The following ROBO2 variants were observed in gnomAD, a reference collection of about 807,000 sequenced individuals.
ROBO2 encodes the protein roundabout guidance receptor 2, also known as roundabout homolog 2.
Under a neutral mutation model 160.8 loss-of-function variants are expected in ROBO2, and 53 were observed. The observed-to-expected ratio is 0.33, with a 90% CI of 0.26 to 0.41. ROBO2 has a LOEUF of 0.41. Ranked by LOEUF, ROBO2 falls within the 10% of genes least tolerant of loss-of-function variation. ROBO2 has a pLI of 1.00. For synonymous variants in ROBO2, 664 were observed against 611.7 expected, an observed-to-expected ratio of 1.09 and a Z score of -1.26; for missense variants, 1,577 against 1,722.4, an observed-to-expected ratio of 0.92 and a Z score of 1.49.
chr3:76,666,341 A>G (rs1338460061), intron 2 of ROBO2, among the ~76,000 whole-genome samples: 3 of 152,050 alleles, frequency 2.0e-5, no homozygotes, highest in African/African-American at 7.2e-5. Context: ...TAAGCAGGCA[A>G]TTTAACCATG....
chr3:76,036,441 C>T (rs902524289), intron 2 of ROBO2, among the ~76,000 whole-genome samples: 27 of 147,438 alleles, frequency 1.8e-4, no homozygotes, highest in African/African-American at 6.0e-4. Flanking sequence ...TGAGCCAATG[C>T]GCCAGGCTGG....
chr3:76,093,500 A>AATAAT (rs10659310), intron 2 of ROBO2, among the ~76,000 whole-genome samples: 147,321 of 148,112 alleles, frequency 0.99, 73,274 homozygotes, highest in Middle Eastern at 1. Context: ...TATAATATAA[A>AATAAT]ATATTTATAC....
intron 2 of ROBO2, among the ~76,000 whole-genome samples, chr3:77,130,291 G>T (rs1320010433): frequency 6.6e-6 from 1 of 152,026 alleles, no homozygotes; most frequent in Non-Finnish European, 1.5e-5. Flanking sequence ...GCAGTTCCTG[G>T]GCCAAATGCA....
chr3:76,067,757 T>C (rs1238597963), intron 2 of ROBO2, among the ~76,000 whole-genome samples: 1 of 152,186 alleles, frequency 6.6e-6, no homozygotes, highest in Non-Finnish European at 1.5e-5. Flanking sequence ...CCCTCTAGTG[T>C]ATGTGATTGC....
rs534214407 is a variant in ROBO2, at chr3:76,668,261, A to G, written c.110-429753A>G. On this transcript the variant is annotated intron_variant, in intron 2 of 26. Coordinates refer to the ROBO2 transcript ENST00000487694. Reference sequence around the variant, plus strand: ...ACTATAGGAATGTGCTACCACGCCCAGCTATTAAAAAAAAATTGTAGAGAG... The same window carrying G: ...ACTATAGGAATGTGCTACCACGCCCGGCTATTAAAAAAAAATTGTAGAGAG... Among the ~76,000 whole-genome samples, 20 of 126,704 alleles carry G rather than the reference A, an allele frequency of 1.6e-4. No individual in the cohort carries two copies. In the East Asian group the frequency reaches 4.2e-3, roughly 27 times the overall value. The allele number at this position is 126,704 out of a possible 152,430, so 83.1% of individuals were successfully genotyped here.
intron 11 of ROBO2, chr3:77,564,452 AT>A (rs1223668685): frequency 2.2e-6 from 1 of 455,942 alleles, no homozygotes; most frequent in African/African-American, 2.0e-5. Flanking sequence ...TTTTACAGAT[AT>A]GTAGTTTAGA....
At chr3:77,317,630 G>A (rs1171388498) in intron 2 of ROBO2, 1 of 645,584 alleles carries the variant, frequency 1.5e-6, no homozygotes, top group Non-Finnish European at 2.4e-6. Flanking sequence ...GGTGGCGGCG[G>A]GCTCTGCGGG....
chr3:77,399,742 C>A (rs2075623298), intron 2 of ROBO2, among the ~76,000 whole-genome samples: 1 of 152,066 alleles, frequency 6.6e-6, no homozygotes, highest in Admixed American at 6.6e-5. Context: ...GGATCCAGAT[C>A]TATGCATAAC....
chr3:76,135,033 A>G (rs930225554), intron 2 of ROBO2, among the ~76,000 whole-genome samples: 1 of 152,214 alleles, frequency 6.6e-6, no homozygotes, highest in South Asian at 2.1e-4. Context: ...TTACGGGGCC[A>G]GTGGCTCTGC....
At chr3:76,809,835 C>T (rs933013214) in intron 2 of ROBO2, among the ~76,000 whole-genome samples, 89 of 151,380 alleles carry the variant, frequency 5.9e-4, no homozygotes, top group African/African-American at 2.1e-3. Context: ...AGAAATTTCT[C>T]AATTAAGGAA....
intron 2 of ROBO2, among the ~76,000 whole-genome samples, chr3:76,974,575 C>T (rs1483244160): frequency 1.3e-5 from 2 of 152,128 alleles, no homozygotes; most frequent in Non-Finnish European, 2.9e-5. Flanking sequence ...TTCGCTAAGG[C>T]CTTGTAATTT....
At chr3:76,706,161 A>G (rs1377507904) in intron 2 of ROBO2, among the ~76,000 whole-genome samples, 2 of 152,160 alleles carry the variant, frequency 1.3e-5, no homozygotes, top group Non-Finnish European at 2.9e-5. Context: ...TCAATAGAAT[A>G]GAAAATAGTT....
In ROBO2 at chr3:77,543,369, G is replaced by A. The variant is rs751644648; in HGVS notation, c.935-2969G>A. Among the ~76,000 whole-genome samples the A allele has an allele frequency of 1.9e-4, 29 of 152,170 alleles. No individual in the cohort carries two copies. In the South Asian group the frequency reaches 2.5e-3, roughly 13 times the overall value. On this transcript the variant is annotated intron_variant, in intron 6 of 25. Transcript: ENST00000461745. ...CAACCAGAATGTATCATCATTTTTC[G>A]TCAATCAGTACATTTTGTGTGAATA...
intron 2 of ROBO2, among the ~76,000 whole-genome samples, chr3:77,142,182 T>C (rs1231687993): frequency 6.6e-6 from 1 of 152,192 alleles, no homozygotes; most frequent in Non-Finnish European, 1.5e-5. Context: ...CCTGAGGACA[T>C]CTTTTCCAAG....
At chr3:76,018,583 T>C (rs897400549) in intron 2 of ROBO2, among the ~76,000 whole-genome samples, 69 of 151,970 alleles carry the variant, frequency 4.5e-4, no homozygotes, top group African/African-American at 1.6e-3. Context: ...TATGCTTTCC[T>C]ATTTCCAAAT....
intron 5 of ROBO2, among the ~76,000 whole-genome samples, chr3:77,519,426 G>T (rs904642840): frequency 6.6e-6 from 1 of 151,238 alleles, no homozygotes; most frequent in Non-Finnish European, 1.5e-5. Flanking sequence ...GTGTGACAGT[G>T]AGGTTTGGGG....
At chr3:76,217,450 A>G (rs1324289789) in intron 2 of ROBO2, among the ~76,000 whole-genome samples, 1 of 152,222 alleles carries the variant, frequency 6.6e-6, no homozygotes, top group Non-Finnish European at 1.5e-5. Flanking sequence ...AGAAGAATCA[A>G]ATAGACGCAA....
At chr3:76,520,071 G>A (rs1306783931) in intron 2 of ROBO2, among the ~76,000 whole-genome samples, 2 of 151,946 alleles carry the variant, frequency 1.3e-5, no homozygotes, top group Non-Finnish European at 2.9e-5. Context: ...ACCGAACCTG[G>A]GAGTGGCTGC....
chr3:75,935,194 A>T lies in ROBO2; in HGVS notation c.-13-2287A>T, dbSNP rs377750005. On this transcript the variant is annotated intron_variant, in intron 1 of 26. Transcript: ENST00000487694. Reference sequence around the variant, plus strand: ...AGATTCATCATGTACACAAAATTAAACTTGTGTAATTAAATTTATAAGTAA... The same window carrying T: ...AGATTCATCATGTACACAAAATTAATCTTGTGTAATTAAATTTATAAGTAA... Among the ~76,000 whole-genome samples the T allele has an allele frequency of 9.1e-3, 1,384 of 152,262 alleles. 16 individuals are homozygous for T. Among genetic ancestry groups the T allele is most frequent in the African/African-American group, 0.032 (1,329 of 41,538 alleles).
Sources: allele counts gnomAD v4.1 joint callset (sites outside exome capture counted in the v4.1 genomes callset), GRCh38; gene constraint gnomAD v4.1.1; transcripts MANE v1.5; gene names NCBI Gene and HGNC (gene_info 2026-07-23, HGNC 2026-07-21).